Variants in ABCB4 observed in about 807,000 individuals in gnomAD.
The protein encoded by ABCB4 is ATP binding cassette subfamily B member 4.
ABCB4 carries 76 observed loss-of-function variants against 145.7 expected under a neutral mutation model. The observed-to-expected ratio is 0.52, with a 90% CI of 0.43 to 0.63. ABCB4 has a LOEUF of 0.63. Among genes scored for constraint, ABCB4 ranks in the 30% least tolerant of loss-of-function variants. The pLI is 0.00. For synonymous variants in ABCB4, 517 were observed against 566.8 expected (o/e 0.91, Z 1.25); for missense variants, 1,234 against 1,553.1 (o/e 0.79, Z 3.45).
the ABCB4 span, chr7:87,392,826 A>G: frequency 6.2e-7 from 1 of 1,612,670 alleles, no homozygotes; most frequent in Non-Finnish European, 8.5e-7. Context: ...TCCAAAAGGT[A>G]ATATAGTGTA....
chr7:87,369,613 A>C, the ABCB4 span: 39 of 346,886 alleles, frequency 1.1e-4, no homozygotes, highest in African/African-American at 9.3e-4. Flanking sequence ...TGCTTTTTTA[A>C]AAAAAAATCT....
Position 87,451,720 on chromosome 7 carries a change from G to A in ABCB4, c.611C>T (p.Ala204Val), listed in dbSNP as rs1365263679. Residue 204 changes from alanine to valine, a missense_variant, in exon 7 of 28, where the codon GCA becomes GTA. Coordinates refer to ENST00000649586, the MANE Select transcript of ABCB4 (RefSeq NM_000443.4). ...MFFQAVATFFAGFIVGFIRGW... is the reference protein window; with the variant it reads ...MFFQAVATFFVGFIVGFIRGW... ...TCTGATGAATCCCACTATGAATCCTGCAAAAAACGTGGCTACTGCTTGAAA... is the reference window on the plus strand; with the variant it reads ...TCTGATGAATCCCACTATGAATCCTACAAAAAACGTGGCTACTGCTTGAAA... The A allele has an allele frequency of 6.2e-7, 1 of 1,613,978 alleles. No homozygotes were observed. Among genetic ancestry groups the A allele is most frequent in the African/African-American group, 1.3e-5 (1 of 74,884 alleles).
chr7:87,372,010 A>C, the ABCB4 span, among the ~76,000 whole-genome samples: 2 of 149,982 alleles, frequency 1.3e-5, no homozygotes, highest in African/African-American at 4.9e-5. Context: ...AAAAAAACAA[A>C]AAAAAAAAAA....
intron 9 of ABCB4, among the ~76,000 whole-genome samples, chr7:87,445,826 A>ACC (rs1811308089): frequency 6.6e-6 from 1 of 152,210 alleles, no homozygotes; most frequent in African/African-American, 2.4e-5. Context: ...CATAAGGTTA[A>ACC]TGCAATAGAG....
chr7:87,382,402 C>G, the ABCB4 span: 1 of 1,607,704 alleles, frequency 6.2e-7, no homozygotes, highest in South Asian at 1.1e-5. Context: ...TCATTTAATT[C>G]TTCTTGTTAG....
intron 26 of ABCB4, among the ~76,000 whole-genome samples, chr7:87,404,408 A>G (rs1808033057): frequency 6.6e-6 from 1 of 152,210 alleles, no homozygotes; most frequent in Non-Finnish European, 1.5e-5. Context: ...AAAGCTATAA[A>G]ACTTTTAGAA....
chr7:87,451,948 A>G (rs1157409016), intron 6 of ABCB4, 154 bp from the exon 7 acceptor site: 1 of 721,722 alleles, frequency 1.4e-6, no homozygotes, highest in Non-Finnish European at 2.5e-6. Flanking sequence ...TTCCCCACCT[A>G]AACACCGCAC....
At chr7:87,467,752 C>T (rs529425120) in intron 3 of ABCB4, among the ~76,000 whole-genome samples, 155 of 152,270 alleles carry the variant, frequency 1.0e-3, no homozygotes, top group African/African-American at 3.4e-3. Flanking sequence ...CACTCAAAAC[C>T]GCTCAACTAC....
chr7:87,406,103 T>C (rs1253435215), intron 26 of ABCB4, 185 bp downstream of exon 26: 11 of 647,058 alleles, frequency 1.7e-5, no homozygotes, highest in Non-Finnish European at 2.7e-5. Context: ...ACTACATTTG[T>C]ATGAGGTAGG....
chr7:87,425,093 TAATG>T (rs1809715395), intron 16 of ABCB4, among the ~76,000 whole-genome samples: 1 of 152,062 alleles, frequency 6.6e-6, no homozygotes, highest in Non-Finnish European at 1.5e-5. Context: ...ATCTCCAGCA[TAATG>T]AATGAATCTT....
chr7:87,446,957 C>A, intron 9 of ABCB4, 77 bp downstream of exon 9: 1 of 1,327,464 alleles, frequency 7.5e-7, no homozygotes, highest in Non-Finnish European at 1.1e-6. Context: ...CAAAAAGGAG[C>A]GATATCAAAG....
At chr7:87,474,614 G>A (rs755182239) in intron 2 of ABCB4, among the ~76,000 whole-genome samples, 1 of 152,092 alleles carries the variant, frequency 6.6e-6, no homozygotes, top group Non-Finnish European at 1.5e-5. Context: ...CTCAGAGACC[G>A]TAATAGCCTC....
intron 8 of ABCB4, among the ~76,000 whole-genome samples, chr7:87,448,880 G>C (rs769631744): frequency 6.6e-6 from 1 of 152,282 alleles, no homozygotes; most frequent in East Asian, 1.9e-4. Context: ...TTATATCCAA[G>C]AGTTGTGAGT....
At chr7:87,390,092 T>C in the ABCB4 span, among the ~76,000 whole-genome samples, 1 of 152,192 alleles carries the variant, frequency 6.6e-6, no homozygotes, top group Non-Finnish European at 1.5e-5. Flanking sequence ...CTGATTGTAT[T>C]CCCATGGTGA....
intron 14 of ABCB4, among the ~76,000 whole-genome samples, chr7:87,438,388 C>A (rs746655594): frequency 3.3e-5 from 5 of 152,034 alleles, no homozygotes; most frequent in Admixed American, 6.6e-5. Flanking sequence ...CAGTATAATT[C>A]AGTGCAAGAA....
intron 4 of ABCB4, among the ~76,000 whole-genome samples, chr7:87,457,616 C>T (rs759537817): frequency 1.3e-5 from 2 of 152,098 alleles, no homozygotes; most frequent in Non-Finnish European, 2.9e-5. Flanking sequence ...GCTAGTTTGT[C>T]CCAATATTTA....
chr7:87,380,636 C>A, the ABCB4 span, among the ~76,000 whole-genome samples: 1 of 152,118 alleles, frequency 6.6e-6, no homozygotes, highest in Non-Finnish European at 1.5e-5. Context: ...ACAAATAAAG[C>A]ATCAGGATAG....
intron 4 of ABCB4, among the ~76,000 whole-genome samples, chr7:87,459,664 A>G (rs1812324334): frequency 6.6e-6 from 1 of 152,106 alleles, no homozygotes; most frequent in Admixed American, 6.5e-5. Flanking sequence ...ACAGGGAGAC[A>G]TCACACCCAC....
intron 14 of ABCB4, among the ~76,000 whole-genome samples, chr7:87,439,233 C>A (rs1810810437): frequency 6.6e-6 from 1 of 152,058 alleles, no homozygotes; most frequent in Non-Finnish European, 1.5e-5. Context: ...ACTTTATTTC[C>A]AGAAAAGCAC....
Sources: allele counts gnomAD v4.1 joint callset (sites outside exome capture counted in the v4.1 genomes callset), GRCh38; gene constraint gnomAD v4.1.1; transcripts MANE v1.5; gene names NCBI Gene and HGNC (gene_info 2026-07-23, HGNC 2026-07-21).